The following ABCC1 variants were observed in gnomAD, a reference collection of about 807,000 sequenced individuals.
ABCC1 encodes multidrug resistance-associated protein 1.
In ABCC1, 83 loss-of-function variants were observed where a neutral mutation model predicts 172.9. The observed-to-expected ratio is 0.48, with a 90% CI of 0.40 to 0.58. The LOEUF is 0.58. Among genes scored for constraint, ABCC1 ranks in the 20% least tolerant of loss-of-function variants. The pLI, the probability that ABCC1 is intolerant of heterozygous loss-of-function variation, is 0.00. For synonymous variants in ABCC1, 937 were observed against 825.2 expected, an observed-to-expected ratio of 1.14 and a Z score of -2.32; for missense variants, 1,817 against 2,002.7, an observed-to-expected ratio of 0.91 and a Z score of 1.77.
intron 19 of ABCC1, among the ~76,000 whole-genome samples, chr16:16,093,992 T>G (rs939013719): frequency 1.3e-5 from 2 of 151,202 alleles, no homozygotes; most frequent in African/African-American, 4.8e-5. Flanking sequence ...TTTTTTTTTT[T>G]TTTTTTTTTA....
At chr16:16,138,778 C>T (rs1160732515) in intron 30 of ABCC1, among the ~76,000 whole-genome samples, 6 of 140,692 alleles carry the variant, frequency 4.3e-5, no homozygotes, top group Non-Finnish European at 7.6e-5. Flanking sequence ...GGTGTGATCT[C>T]GGCTCACTGC....
intron 23 of ABCC1, among the ~76,000 whole-genome samples, chr16:16,116,499 A>G (rs181670789): frequency 2.0e-4 from 30 of 152,322 alleles, no homozygotes; most frequent in Admixed American, 5.2e-4. Flanking sequence ...AATTTATAAT[A>G]ATAAAATAGA....
Position 16,008,004 on chromosome 16 carries a change from G to T in ABCC1, c.225+12G>T. On this transcript the variant is annotated intron_variant, in intron 2 of 30. Coordinates refer to ENST00000399410, the MANE Select transcript of ABCC1 (RefSeq NM_004996.4). ...ACAAAACCAAAACTGTAAGTCACTG[G>T]GGGGTTTCGTTGTGGGGGGTGGGAA... is the stretch of plus-strand genomic sequence containing the variant. The T allele has an allele frequency of 1.5e-6, 1 of 655,902 alleles. No homozygotes were observed. Among genetic ancestry groups the T allele is most frequent in the South Asian group, 1.5e-5 (1 of 64,560 alleles). 40.6% of individuals were successfully genotyped at this position (655,902 alleles called of 1,614,324 possible).
intron 1 of ABCC1, among the ~76,000 whole-genome samples, chr16:15,976,561 TG>T (rs2046496243): frequency 6.6e-6 from 1 of 152,006 alleles, no homozygotes; most frequent in South Asian, 2.1e-4. Flanking sequence ...CACCCTGGGG[TG>T]GGCCAGAGAG....
chr16:16,008,390 GA>G (rs1197386694), intron 2 of ABCC1, among the ~76,000 whole-genome samples: 3 of 151,720 alleles, frequency 2.0e-5, no homozygotes, highest in Non-Finnish European at 2.9e-5. Flanking sequence ...TTTTTGTAGA[GA>G]GGGGGGACTT....
intron 7 of ABCC1, among the ~76,000 whole-genome samples, chr16:16,039,857 G>C (rs2048904904): frequency 2.6e-5 from 4 of 152,106 alleles, no homozygotes; most frequent in Admixed American, 2.6e-4. Context: ...CAGTGCAAAG[G>C]CTCTGAGGAC....
chr16:16,041,673 G>A (rs2048983192), intron 7 of ABCC1, among the ~76,000 whole-genome samples: 2 of 152,176 alleles, frequency 1.3e-5, no homozygotes, highest in African/African-American at 4.8e-5. Flanking sequence ...AAGGAATGCA[G>A]CTCGTGCAGC....
intron 21 of ABCC1, 65 bp from the exon 22 acceptor site, chr16:16,111,310 G>GTGGGGA: frequency 7.8e-7 from 1 of 1,285,172 alleles, no homozygotes; most frequent in Non-Finnish European, 1.1e-6. Context: ...CCCCGACCTT[G>GTGGGGA]TGGGGCTGGG....
intron 5 of ABCC1, among the ~76,000 whole-genome samples, chr16:16,023,822 T>C (rs1336666709): frequency 6.6e-6 from 1 of 151,956 alleles, no homozygotes; most frequent in Non-Finnish European, 1.5e-5. Flanking sequence ...GCCAGGTGAA[T>C]ATGTTTGGAG....
chr16:16,003,441 G>A lies in ABCC1; in HGVS notation c.49-4375G>A. 1.5e-5 allele frequency among the ~76,000 whole-genome samples: 2 copies of A among 132,762 alleles called. 1 individual carries two copies. Among genetic ancestry groups the A allele is most frequent in the Non-Finnish European group, 3.4e-5 (2 of 58,880 alleles). 87.1% of individuals were successfully genotyped at this position (132,762 alleles called of 152,430 possible). ...GGATGGATGGATGGGTGAATGAATT[G>A]GTAGGTGGGTAGGGTGGATGGGTGA... is the stretch of plus-strand genomic sequence containing the variant. On this transcript the variant is annotated intron_variant, in intron 1 of 30. Coordinates refer to ENST00000399410, the MANE Select transcript of ABCC1 (RefSeq NM_004996.4).
intron 1 of ABCC1, among the ~76,000 whole-genome samples, chr16:15,965,209 T>A (rs960705032): frequency 4.6e-5 from 7 of 152,182 alleles, no homozygotes; most frequent in African/African-American, 1.7e-4. Flanking sequence ...CAATCGATAG[T>A]TCCCTGTGTT....
Position 16,106,845 on chromosome 16 carries a change from T to C in ABCC1, c.2843T>C (p.Met948Thr), listed in dbSNP as rs1232163656. 1 of 1,614,122 alleles carries C rather than the reference T, an allele frequency of 6.2e-7. No individual in the cohort carries two copies. The highest frequency in any genetic ancestry group is 8.5e-7 in the Non-Finnish European group (1 of 1,180,028). ...EAKKEETWKL[M>T]EADKAQTGQV... ...AAGAAGGAGGAGACCTGGAAGCTGA[T>C]GGAGGCTGACAAGGCGCAGACAGGG... is the stretch of plus-strand genomic sequence containing the variant. Residue 948 changes from methionine (M) to threonine (T), a missense_variant, in exon 21 of 31, where the codon ATG becomes ACG. This residue lies in a region of ABCC1 where 1,412 missense variants were observed against 1,600.3 expected (regional missense o/e 0.88). Coordinates refer to ENST00000399410, the MANE Select transcript of ABCC1 (RefSeq NM_004996.4).
chr16:16,102,662 A>G lies in ABCC1; in HGVS notation c.2680A>G (p.Lys894Glu), dbSNP rs1488695188. The change falls in exon 20 of 31, where the codon AAG becomes GAG. Residue 894 changes from lysine to glutamate, a missense_variant. Physicochemically the swap from Lys to Glu is moderately conservative, Grantham distance 56 (BLOSUM62 1). Around this residue, in one of 3 missense-constraint regions of ABCC1, gnomAD observed 1,412 missense variants for 1,600.3 expected, o/e 0.88. Coordinates refer to ENST00000399410, the MANE Select transcript of ABCC1 (RefSeq NM_004996.4). ...TGVSGPGKEA[K>E]QMENGMLVTD... is the part of the protein sequence containing the mutation. ...CGTCAGCGGTCCAGGGAAGGAAGCA[A>G]AGCAAATGGAGAATGGCATGCTGGT... The G allele has an allele frequency of 6.3e-7, 1 of 1,592,318 alleles. No individual in the cohort carries two copies. The highest frequency in any genetic ancestry group is 8.6e-7 in the Non-Finnish European group (1 of 1,169,312).
chr16:16,050,693 G>A (rs955835419), intron 10 of ABCC1, among the ~76,000 whole-genome samples: 24 of 128,292 alleles, frequency 1.9e-4, no homozygotes, highest in African/African-American at 7.2e-4. Context: ...AGGAGTTTGA[G>A]ACCAGCCTGG....
At chr16:16,138,631 T>G in intron 30 of ABCC1, 73 bp downstream of exon 30, 1 of 1,294,510 alleles carries the variant, frequency 7.7e-7, no homozygotes. Flanking sequence ...ATTAATTCAT[T>G]AATTCATTCA....
intron 13 of ABCC1, among the ~76,000 whole-genome samples, chr16:16,070,476 A>G (rs1345199886): frequency 6.6e-6 from 1 of 152,180 alleles, no homozygotes. Context: ...CATCCTGGCT[A>G]ACACGGTGAA....
At chr16:16,038,652 T>G (rs569442954) in intron 7 of ABCC1, among the ~76,000 whole-genome samples, 1 of 152,278 alleles carries the variant, frequency 6.6e-6, no homozygotes, top group East Asian at 1.9e-4. Flanking sequence ...AATAACACTT[T>G]AACAGCAATC....
intron 10 of ABCC1, among the ~76,000 whole-genome samples, chr16:16,049,939 C>T (rs1411933996): frequency 6.6e-6 from 1 of 152,036 alleles, no homozygotes; most frequent in Admixed American, 6.6e-5. Flanking sequence ...GGTGATCTAC[C>T]CTCTGTGGTC....
rs1291764262 is a variant in ABCC1, at chr16:16,034,024, T to A, written c.677+854T>A. On this transcript the variant is annotated intron_variant, in intron 6 of 30. Transcript: ENST00000399410. ...TTTTTTGCCCCTAATAAGCATCATC[T>A]TTTTTTTTTTTTTTTTTTTTTGAGA... 1.2e-4 allele frequency among the ~76,000 whole-genome samples: 2 copies of A among 16,640 alleles called. 1 individual carries two copies. Among genetic ancestry groups the A allele is most frequent in the South Asian group, 1.5e-3 (2 of 1,296 alleles). 10.9% of individuals were successfully genotyped at this position (16,640 alleles called of 152,430 possible).
Sources: allele counts gnomAD v4.1 joint callset (sites outside exome capture counted in the v4.1 genomes callset), GRCh38; gene constraint gnomAD v4.1.1; regional missense constraint gnomAD v4.1.1; transcripts MANE v1.5; gene names NCBI Gene and HGNC (gene_info 2026-07-23, HGNC 2026-07-21).